SUMF1: variants seen among roughly 807,000 people sequenced by gnomAD.
SUMF1 encodes the protein sulfatase modifying factor 1.
In SUMF1, 48 loss-of-function variants were observed where a neutral mutation model predicts 47.6. That is an observed-to-expected ratio of 1.01 (90% CI 0.80 to 1.28). SUMF1 has a LOEUF of 1.28. Among genes scored for constraint, SUMF1 ranks in the 50% most tolerant of loss-of-function variants. The pLI is 0.00. For missense variants in SUMF1, 571 were observed against 485.4 expected (o/e 1.18, Z -1.66); for synonymous variants, 230 against 192.1 (o/e 1.20, Z -1.63).
intron 1 of SUMF1, among the ~76,000 whole-genome samples, chr3:4,465,355 A>T (rs1231878414): frequency 6.6e-6 from 1 of 152,056 alleles, no homozygotes; most frequent in African/African-American, 2.4e-5. Context: ...TGTGCCTGTA[A>T]TCCCAGCTAC....
rs1470203634 is a variant in SUMF1, at chr3:4,418,087, G to C, written c.648C>G (p.Ala216=). The C allele has an allele frequency of 1.9e-6, 3 of 1,614,106 alleles. No individual in the cohort carries two copies. Among genetic ancestry groups the C allele is most frequent in the East Asian group, 4.5e-5 (2 of 44,882 alleles). Residue 216 remains alanine (A), a synonymous_variant, in exon 5 of 9, where the codon GCC becomes GCG. Coordinates refer to ENST00000272902, the MANE Select transcript of SUMF1 (RefSeq NM_182760.4). The part of the protein sequence containing the change: ...VLHVSWNDAV[A]YCTWAGKRLP... ...GCCGCTTCCCTGCCCAAGTGCAGTAGGCAACCGCATCATTCCAGGACACAT... is the reference window on the plus strand; with the variant it reads ...GCCGCTTCCCTGCCCAAGTGCAGTACGCAACCGCATCATTCCAGGACACAT...
downstream of SUMF1, among the ~76,000 whole-genome samples, chr3:4,360,643 C>T (rs954771310): frequency 2.0e-5 from 3 of 152,144 alleles, no homozygotes; most frequent in Non-Finnish European, 4.4e-5. Context: ...TACATGACTG[C>T]TTTTCAAGGG....
intron 8 of SUMF1, among the ~76,000 whole-genome samples, chr3:4,108,698 G>C (rs1022972865): frequency 2.0e-5 from 3 of 151,996 alleles, no homozygotes; most frequent in Non-Finnish European, 4.4e-5. Context: ...TGTCTCTTTT[G>C]ATCTTTGTTG....
chr3:4,389,970 T>G (rs1700803089), intron 7 of SUMF1, among the ~76,000 whole-genome samples: 1 of 152,234 alleles, frequency 6.6e-6, no homozygotes, highest in South Asian at 2.1e-4. Context: ...TGTGGGCATC[T>G]GCTATCTACT....
intron 8 of SUMF1, among the ~76,000 whole-genome samples, chr3:4,079,175 T>C (rs1425718172): frequency 6.6e-6 from 1 of 152,088 alleles, no homozygotes; most frequent in Non-Finnish European, 1.5e-5. Flanking sequence ...ACAACATCCA[T>C]GTCATCAGCT....
At chr3:4,255,138 C>A (rs1207150626) in intron 8 of SUMF1, among the ~76,000 whole-genome samples, 1 of 150,090 alleles carries the variant, frequency 6.7e-6, no homozygotes, top group East Asian at 1.9e-4. Flanking sequence ...AAGGAACAAT[C>A]GGTACCAGCC....
chr3:4,420,629 C>T (rs1033516172), intron 3 of SUMF1, among the ~76,000 whole-genome samples: 22 of 152,062 alleles, frequency 1.4e-4, no homozygotes, highest in African/African-American at 5.3e-4. Context: ...ATCTCCTGAC[C>T]TTGTGATCCG....
At chr3:4,349,933 G>A (rs1211723188) in intron 8 of SUMF1, among the ~76,000 whole-genome samples, 2 of 149,032 alleles carry the variant, frequency 1.3e-5, no homozygotes, top group Non-Finnish European at 3.0e-5. Flanking sequence ...TGCACGTTCT[G>A]TACATGCATC....
At position 4,292,209 on chromosome 3, in the gene SUMF1, G is replaced by T. The variant is rs79850087; in HGVS notation, c.1014+84121C>A. 5.5e-4 allele frequency among the ~76,000 whole-genome samples: 83 copies of T among 152,268 alleles called. 1 individual carries two copies. In the East Asian group the frequency reaches 0.015, roughly 28 times the overall value. ...ATTAAAAGTATTGGCTTTTCTCTAA[G>T]ATGAACATTTGCCCTAGAATATATA... On this transcript the variant is annotated intron_variant and NMD_transcript_variant, in intron 8 of 12. Transcript: ENST00000448413.
chr3:4,220,680 T>C (rs1033227790), intron 8 of SUMF1, among the ~76,000 whole-genome samples: 6 of 152,066 alleles, frequency 3.9e-5, no homozygotes, highest in African/African-American at 1.4e-4. Context: ...AATGCCTGAG[T>C]TCTAGTTCCA....
downstream of SUMF1, among the ~76,000 whole-genome samples, chr3:4,359,424 C>T (rs949156649): frequency 3.9e-5 from 6 of 152,158 alleles, no homozygotes; most frequent in African/African-American, 1.2e-4. Context: ...ACTACAGGTA[C>T]ACACTGCCAT....
At chr3:4,108,393 T>C (rs980536681) in intron 8 of SUMF1, among the ~76,000 whole-genome samples, 2 of 152,148 alleles carry the variant, frequency 1.3e-5, no homozygotes, top group Non-Finnish European at 2.9e-5. Flanking sequence ...GAAGAATGTA[T>C]ATTCTGTTGA....
At chr3:4,094,043 A>G (rs554452368) in intron 8 of SUMF1, among the ~76,000 whole-genome samples, 25 of 152,142 alleles carry the variant, frequency 1.6e-4, no homozygotes, top group African/African-American at 5.8e-4. Flanking sequence ...TATGAATCCA[A>G]GACATACCTA....
At chr3:4,195,304 T>C (rs1235447167) in intron 8 of SUMF1, among the ~76,000 whole-genome samples, 2 of 152,156 alleles carry the variant, frequency 1.3e-5, no homozygotes, top group East Asian at 1.9e-4. Flanking sequence ...TATCAGTAGC[T>C]AGGAGTATGC....
intron 8 of SUMF1, among the ~76,000 whole-genome samples, chr3:4,255,944 A>T (rs1180780777): frequency 8.1e-6 from 1 of 124,088 alleles, no homozygotes; most frequent in Non-Finnish European, 1.7e-5. Context: ...TCAAACTAGA[A>T]CTCAGGATTA....
At chr3:4,449,803 C>T (rs1249532589) in intron 2 of SUMF1, among the ~76,000 whole-genome samples, 2 of 152,144 alleles carry the variant, frequency 1.3e-5, no homozygotes, top group Non-Finnish European at 2.9e-5. Flanking sequence ...TCTCAACTGG[C>T]CAATTCAAGC....
intron 3 of SUMF1, among the ~76,000 whole-genome samples, chr3:4,436,682 C>A (rs945751368): frequency 8.7e-5 from 13 of 150,236 alleles, no homozygotes; most frequent in Admixed American, 7.9e-4. Context: ...TAAGCAATTG[C>A]AAAACTATTA....
At chr3:4,133,132 T>A (rs187241337) in intron 8 of SUMF1, among the ~76,000 whole-genome samples, 2 of 149,958 alleles carry the variant, frequency 1.3e-5, no homozygotes, top group African/African-American at 4.8e-5. Context: ...TTCCTTCTTC[T>A]TTTGTTAAAA....
chr3:4,193,643 T>C (rs566827393), intron 8 of SUMF1, among the ~76,000 whole-genome samples: 2 of 152,222 alleles, frequency 1.3e-5, no homozygotes, highest in African/African-American at 4.8e-5. Flanking sequence ...ACAAATAGTG[T>C]CATAAAAGTA....
Sources: gnomAD v4.1 joint callset for allele counts (sites outside exome capture counted in the v4.1 genomes callset) on GRCh38, gnomAD v4.1.1 for gene constraint, MANE v1.5 for transcripts, NCBI Gene and HGNC (gene_info 2026-07-23, HGNC 2026-07-21) for gene names.